FAM13A: variants seen among roughly 807,000 people sequenced by gnomAD.
The protein encoded by FAM13A is protein FAM13A.
In FAM13A, 76 loss-of-function variants were observed where a neutral mutation model predicts 129.6. That is an observed-to-expected ratio of 0.59 (90% CI 0.49 to 0.71). FAM13A has a LOEUF of 0.71. FAM13A is among the 30% of genes least tolerant of loss of function. The probability of loss-of-function intolerance (pLI) is 0.00; values close to 1 mark genes in which losing one functional copy is unlikely to be tolerated. For synonymous variants in FAM13A, 443 were observed against 449.9 expected (o/e 0.98, Z 0.20); for missense variants, 1,108 against 1,249.3 (o/e 0.89, Z 1.70).
chr4:88,967,741 A>G (rs1759536836), intron 4 of FAM13A, among the ~76,000 whole-genome samples: 1 of 152,180 alleles, frequency 6.6e-6, no homozygotes, highest in African/African-American at 2.4e-5. Flanking sequence ...AAACAAATAA[A>G]CCAAACTTTA....
At chr4:88,797,991 T>C (rs1307198814) in intron 8 of FAM13A, among the ~76,000 whole-genome samples, 1 of 152,178 alleles carries the variant, frequency 6.6e-6, no homozygotes. Context: ...TTTCTTTGTG[T>C]TTAGTGGTTC....
In FAM13A at chr4:88,782,969, T is replaced by C. The variant is rs138524850; in HGVS notation, c.1272-1618A>G. 2.6e-3 allele frequency among the ~76,000 whole-genome samples: 401 copies of C among 152,220 alleles called. 1 individual carries two copies. Among genetic ancestry groups the C allele is most frequent in the African/African-American group, 9.3e-3 (387 of 41,576 alleles). ...AGTTTTCCTAGCCTTTTTTTCTGTT[T>C]GTTTTTTATTTATTTTTAATTTTGT... On this transcript the variant is annotated intron_variant, in intron 10 of 23. Transcript: ENST00000264344.
chr4:88,788,972 T>C (rs9993691), intron 9 of FAM13A, among the ~76,000 whole-genome samples: 5,802 of 152,238 alleles, frequency 0.038, 126 homozygotes, highest in South Asian at 0.1. Context: ...CATTAGAACT[T>C]TTATAGATAG....
intron 6 of FAM13A, among the ~76,000 whole-genome samples, chr4:88,863,345 G>T (rs1372206124): frequency 2.6e-5 from 4 of 151,888 alleles, no homozygotes; most frequent in African/African-American, 9.7e-5. Context: ...TGGAGGTGCT[G>T]CGAGGGTGGT....
At chr4:89,014,674 T>C (rs1270106243) in intron 3 of FAM13A, among the ~76,000 whole-genome samples, 1 of 152,254 alleles carries the variant, frequency 6.6e-6, no homozygotes, top group Non-Finnish European at 1.5e-5. Flanking sequence ...GAAGATTTCA[T>C]GTACATTTAT....
chr4:88,965,908 A>T (rs1436037683), intron 4 of FAM13A, among the ~76,000 whole-genome samples: 1 of 152,196 alleles, frequency 6.6e-6, no homozygotes, highest in Non-Finnish European at 1.5e-5. Context: ...TTTGAGGCTG[A>T]ATAATACTCT....
At chr4:88,768,968 A>G (rs942568462) in intron 11 of FAM13A, among the ~76,000 whole-genome samples, 2 of 152,198 alleles carry the variant, frequency 1.3e-5, no homozygotes, top group Admixed American at 1.3e-4. Context: ...TGAATTCAGC[A>G]AACTCAAAAA....
intron 4 of FAM13A, among the ~76,000 whole-genome samples, chr4:88,985,325 C>CT (rs1459621799): frequency 6.6e-6 from 1 of 152,138 alleles, no homozygotes; most frequent in Non-Finnish European, 1.5e-5. Context: ...GAAGTGACTG[C>CT]TAACAGTACA....
intron 4 of FAM13A, chr4:88,989,916 C>T (rs1396449373): frequency 6.6e-6 from 1 of 152,098 alleles, no homozygotes; most frequent in African/African-American, 2.4e-5. Flanking sequence ...ATGTAAGTCA[C>T]CAAACAAAGG....
chr4:88,866,946 C>T (rs1740568588), intron 6 of FAM13A, among the ~76,000 whole-genome samples: 1 of 152,024 alleles, frequency 6.6e-6, no homozygotes, highest in Non-Finnish European at 1.5e-5. Flanking sequence ...GCAAAGGGTA[C>T]ATACATGTGG....
At chr4:88,882,184 G>C (rs1743697848) in intron 6 of FAM13A, among the ~76,000 whole-genome samples, 1 of 152,062 alleles carries the variant, frequency 6.6e-6, no homozygotes, top group Admixed American at 6.6e-5. Flanking sequence ...TAATCATAAG[G>C]TAATCTAAAG....
chr4:88,903,102 G>C (rs908935973), intron 6 of FAM13A, among the ~76,000 whole-genome samples: 1 of 152,182 alleles, frequency 6.6e-6, no homozygotes, highest in African/African-American at 2.4e-5. Context: ...AGAAATCAGA[G>C]AGGACACAAA....
chr4:88,775,549 T>A (rs886092343), intron 11 of FAM13A, among the ~76,000 whole-genome samples: 2 of 151,822 alleles, frequency 1.3e-5, no homozygotes, highest in African/African-American at 4.8e-5. Context: ...CTACAAAAAA[T>A]TTTAAAAATT....
intron 9 of FAM13A, among the ~76,000 whole-genome samples, chr4:88,788,986 T>A (rs1724561813): frequency 1.3e-5 from 2 of 152,172 alleles, no homozygotes; most frequent in South Asian, 4.1e-4. Context: ...TAGATAGAAC[T>A]CCATGTCTCA....
chr4:88,770,880 C>T (rs1720542557), intron 11 of FAM13A, among the ~76,000 whole-genome samples: 1 of 152,110 alleles, frequency 6.6e-6, no homozygotes, highest in Non-Finnish European at 1.5e-5. Context: ...CATGTTTTAT[C>T]CATATGTTTA....
intron 11 of FAM13A, among the ~76,000 whole-genome samples, chr4:88,779,152 C>G (rs985481433): frequency 6.6e-5 from 10 of 152,138 alleles, no homozygotes; most frequent in African/African-American, 2.4e-4. Flanking sequence ...TCCAGGAAGG[C>G]AGGAATTGTT....
intron 9 of FAM13A, among the ~76,000 whole-genome samples, chr4:88,788,283 A>G (rs1578660646): frequency 1.3e-5 from 2 of 152,318 alleles, no homozygotes; most frequent in East Asian, 3.9e-4. Flanking sequence ...TCATAGAATA[A>G]TAGTAGACCT....
At chr4:88,920,088 G>A (rs1186219071) in intron 5 of FAM13A, among the ~76,000 whole-genome samples, 1 of 152,238 alleles carries the variant, frequency 6.6e-6, no homozygotes, top group East Asian at 1.9e-4. Context: ...AAGGAGGCCT[G>A]CCTGCCTCTG....
intron 4 of FAM13A, among the ~76,000 whole-genome samples, chr4:88,975,253 T>C (rs559343547): frequency 5.3e-5 from 8 of 152,154 alleles, no homozygotes; most frequent in African/African-American, 1.9e-4. Context: ...TGAATCTCCA[T>C]AGTAACCTTG....
Sources: gnomAD v4.1 joint callset for allele counts (sites outside exome capture counted in the v4.1 genomes callset) on GRCh38, gnomAD v4.1.1 for gene constraint, MANE v1.5 for transcripts, NCBI Gene and HGNC (gene_info 2026-07-23, HGNC 2026-07-21) for gene names.